The following RMDN1 variants were observed in gnomAD, a reference collection of about 807,000 sequenced individuals.
RMDN1 encodes the protein regulator of microtubule dynamics 1.
RMDN1 carries 48 observed loss-of-function variants against 48.9 expected under a neutral mutation model. The ratio of observed to expected loss-of-function variants is 0.98; its 90% CI spans 0.78 to 1.25. RMDN1 has a LOEUF of 1.25. Ranked by LOEUF, RMDN1 falls within the 50% of genes most tolerant of loss-of-function variation. RMDN1 has a pLI of 0.00. For missense variants in RMDN1, 418 were observed against 373.4 expected (o/e 1.12, Z -0.98); for synonymous variants, 148 against 132.6 (o/e 1.12, Z -0.80).
rs1563656313 is a variant in RMDN1 at position 86,503,374 on chromosome 8, A to AAAAAAAAC, written c.247+3620_247+3621insGTTTTTTT. Among the ~76,000 whole-genome samples, 19 of 77,294 alleles carry AAAAAAAAC rather than the reference A, an allele frequency of 2.5e-4. 1 individual carries two copies. The highest frequency in any genetic ancestry group is 2.0e-3 in the African/African-American group (19 of 9,694). The allele number at this position is 77,294 out of a possible 152,430, so 50.7% of individuals were successfully genotyped here. The stretch of plus-strand genomic sequence containing the variant: ...CTCAAAACAAAACAAAACAAAACAA[A>AAAAAAAAC]AAAAAAAAAAAAAAACAAAAAAAAA... On this transcript the variant is annotated intron_variant, in intron 2 of 9. Transcript: ENST00000406452.
chr8:86,501,860 A>G (rs1395810724), intron 2 of RMDN1, among the ~76,000 whole-genome samples: 1 of 152,114 alleles, frequency 6.6e-6, no homozygotes, highest in African/African-American at 2.4e-5. Flanking sequence ...TTGCCAAAAT[A>G]AATCATTCAG....
upstream of RMDN1, chr8:86,508,770 CCCCATGGTT>C (rs2131387159): frequency 1.2e-5 from 17 of 1,373,196 alleles, no homozygotes; most frequent in South Asian, 5.2e-5. Context: ...CCTCTTCCGC[CCCCATGGTT>C]TCCGGTGCAC....
intron 8 of RMDN1, among the ~76,000 whole-genome samples, chr8:86,475,937 C>CAGA (rs1396185913): frequency 6.6e-6 from 1 of 152,030 alleles, no homozygotes; most frequent in Non-Finnish European, 1.5e-5. Flanking sequence ...AATTGTGAGC[C>CAGA]AGAAAAGACA....
At chr8:86,478,553 T>C (rs1813792484) in intron 7 of RMDN1, 1 of 170,844 alleles carries the variant, frequency 5.9e-6, no homozygotes, top group South Asian at 1.6e-4. Context: ...CTTAAGCATC[T>C]GCTTTACTTT....
chr8:86,469,528 G>A (rs4961192), downstream of RMDN1, among the ~76,000 whole-genome samples: 151,215 of 152,260 alleles, frequency 0.99, 75,099 homozygotes, highest in Middle Eastern at 1. Flanking sequence ...CGTCTTCTGA[G>A]AGGAGGTTCA....
intron 3 of RMDN1, among the ~76,000 whole-genome samples, chr8:86,487,617 A>G (rs530292736): frequency 2.3e-4 from 35 of 151,956 alleles, no homozygotes; most frequent in Non-Finnish European, 2.9e-4. Flanking sequence ...AATAAATAAT[A>G]AATTCTTTTT....
chr8:86,477,949 C>A (rs1340007398), intron 7 of RMDN1: 1 of 151,810 alleles, frequency 6.6e-6, no homozygotes, highest in Admixed American at 6.6e-5. Context: ...TGCTGTAGCG[C>A]AATCACTGTT....
intron 5 of RMDN1, among the ~76,000 whole-genome samples, chr8:86,481,537 G>C (rs1814432710): frequency 6.6e-6 from 1 of 150,620 alleles, no homozygotes; most frequent in African/African-American, 2.4e-5. Context: ...ATGCCTGGGG[G>C]GATCAGGGTT....
In RMDN1 at chr8:86,472,666, T is replaced by C. The variant is rs1019819950; in HGVS notation, c.*1642A>G. On this transcript the variant is annotated 3_prime_UTR_variant, in exon 10 of 10. Coordinates refer to ENST00000406452, the MANE Select transcript of RMDN1 (RefSeq NM_016033.3). ...ATCAGTGGTGTGTCATATTTTTTTT[T>C]TTGCCATCCTTGTTCCTGTGCGAGT... 1 of 551,506 alleles carries C rather than the reference T, an allele frequency of 1.8e-6. No individual in the cohort carries two copies. Among genetic ancestry groups the C allele is most frequent in the African/African-American group, 1.9e-5 (1 of 52,888 alleles). 34.2% of individuals were successfully genotyped at this position (551,506 alleles called of 1,614,324 possible). A position where few individuals can be genotyped will look rare whatever the true frequency, so the allele number is the denominator to read the frequency against.
chr8:86,474,415 G>A, intron 9 of RMDN1, 57 bp from the exon 10 acceptor site: 1 of 1,393,300 alleles, frequency 7.2e-7, no homozygotes, highest in South Asian at 1.2e-5. Context: ...ACTAACTTGT[G>A]AAATTTAAGT....
At position 86,498,193 on chromosome 8, in the gene RMDN1, T is replaced by TGTTC. The variant is rs1817672565; in HGVS notation, c.247+8801_247+8802insGAAC. Among the ~76,000 whole-genome samples the TGTTC allele has an allele frequency of 2.0e-5, 3 of 151,926 alleles. No homozygotes were observed. The South Asian group carries it at 6.2e-4, about 32-fold the overall frequency. ...ATAAATTCCTAGAAACATCCCAAGA[T>TGTTC]TGAACCAGGAAGAAATGAAATCCTT... On this transcript the variant is annotated intron_variant, in intron 2 of 9. Coordinates refer to ENST00000406452, the MANE Select transcript of RMDN1 (RefSeq NM_016033.3).
chr8:86,489,157 A>G (rs1465320276), intron 2 of RMDN1, among the ~76,000 whole-genome samples: 1 of 152,228 alleles, frequency 6.6e-6, no homozygotes, highest in African/African-American at 2.4e-5. Context: ...AGTAATTTGC[A>G]TGAACCAAAC....
rs1169578995 is a variant in RMDN1, at chr8:86,474,290, A to G, written c.*18T>C. The G allele has an allele frequency of 4.3e-6, 7 of 1,613,340 alleles. No homozygotes were observed. The highest frequency in any genetic ancestry group is 3.4e-6 in the Non-Finnish European group (4 of 1,179,686). On this transcript the variant is annotated 3_prime_UTR_variant, in exon 10 of 10. Transcript: ENST00000406452. ...GCAATGTTTATTAGCTATTTCATAAATCTTCTCTGAAAAGTTCTCAATTCT... is the reference window on the plus strand; with the variant it reads ...GCAATGTTTATTAGCTATTTCATAAGTCTTCTCTGAAAAGTTCTCAATTCT...
At chr8:86,479,625 C>A (rs1219061587) in intron 6 of RMDN1, among the ~76,000 whole-genome samples, 1 of 152,080 alleles carries the variant, frequency 6.6e-6, no homozygotes, top group Admixed American at 6.5e-5. Flanking sequence ...TATCATTAAT[C>A]CTCAGTGAAT....
Position 86,486,484 on chromosome 8 carries a change from C to T in RMDN1, c.495G>A (p.Lys165=), listed in dbSNP as rs752719366. 6.9e-6 allele frequency: 11 copies of T among 1,594,142 alleles called. No individual in the cohort carries two copies. Among genetic ancestry groups the T allele is most frequent in the Non-Finnish European group, 9.4e-6 (11 of 1,168,050 alleles). The change falls in exon 4 of 10, where the codon AAG becomes AAA. Residue 165 remains lysine (K), a splice_region_variant and synonymous_variant. Transcript: ENST00000406452. The part of the protein sequence containing the change: ...EKNESSFASH[K]WYAICLSDVG... ...TTAATAGCTTAGTTAAGCAACTCAC[C>T]TTATGAGATGCAAAACTTGATTCAT...
Position 86,478,971 on chromosome 8 carries a change from T to G in RMDN1, c.681A>C (p.Arg227Ser). ...TFAEMPWYQR[R>S]IAKMLFATPP... ...GAGTTGCAAACAGCATTTTAGCAAT[T>G]CTTCTTTGATACCAAGGCATTTCGG... is the stretch of plus-strand genomic sequence containing the variant. Residue 227 changes from arginine (R) to serine (S), a missense_variant, in exon 7 of 10, where the codon AGA becomes AGC. Transcript: ENST00000406452. The G allele has an allele frequency of 6.2e-7, 1 of 1,614,000 alleles. No homozygotes were observed. Among genetic ancestry groups the G allele is most frequent in the Non-Finnish European group, 8.5e-7 (1 of 1,179,910 alleles).
chr8:86,482,938 G>T, intron 5 of RMDN1: 2 of 825,604 alleles, frequency 2.4e-6, no homozygotes. Flanking sequence ...AGGCAGGTGG[G>T]CTCGGACGAG....
At chr8:86,503,173 G>A (rs1421039124) in intron 2 of RMDN1, among the ~76,000 whole-genome samples, 2 of 152,008 alleles carry the variant, frequency 1.3e-5, no homozygotes, top group East Asian at 3.9e-4. Context: ...CCAACATGGT[G>A]AAACCCCGTC....
At chr8:86,510,670 C>T (rs1820007670), upstream of RMDN1, among the ~76,000 whole-genome samples, 1 of 152,154 alleles carries the variant, frequency 6.6e-6, no homozygotes, top group Non-Finnish European at 1.5e-5. Flanking sequence ...ATTCCTAAAC[C>T]ACAGAAGCTA....
Sources: gnomAD v4.1 joint callset for allele counts (sites outside exome capture counted in the v4.1 genomes callset) on GRCh38, gnomAD v4.1.1 for gene constraint, MANE v1.5 for transcripts, NCBI Gene and HGNC (gene_info 2026-07-23, HGNC 2026-07-21) for gene names.